The following ANKS3 variants were observed in gnomAD, a reference collection of about 807,000 sequenced individuals.
ANKS3 encodes ankyrin repeat and SAM domain-containing protein 3.
A neutral mutation model predicts 80.7 loss-of-function variants in ANKS3; 62 were observed. The ratio of observed to expected loss-of-function variants is 0.77; its 90% CI spans 0.63 to 0.95. The LOEUF (loss-of-function observed/expected upper bound fraction) is 0.95. Among genes scored for constraint, ANKS3 ranks in the 40% least tolerant of loss-of-function variants. The probability of loss-of-function intolerance (pLI) is 0.00; values close to 1 mark genes in which losing one functional copy is unlikely to be tolerated. For missense variants in ANKS3, 1,150 were observed against 883.6 expected, an observed-to-expected ratio of 1.30 and a Z score of -3.82; for synonymous variants, 489 against 355.3, an observed-to-expected ratio of 1.38 and a Z score of -4.23.
intron 6 of ANKS3, among the ~76,000 whole-genome samples, chr16:4,723,317 A>T (rs989516237): frequency 4.8e-4 from 73 of 152,162 alleles, no homozygotes; most frequent in African/African-American, 1.7e-3. Flanking sequence ...GAAACCACTC[A>T]TCTATTTTCT....
intron 17 of ANKS3, 42 bp downstream of exon 17, chr16:4,696,975 T>A: frequency 6.3e-7 from 1 of 1,593,648 alleles, no homozygotes; most frequent in Non-Finnish European, 8.6e-7. Flanking sequence ...AGACAGGCCC[T>A]GCTGCTCCCA....
chr16:4,712,481 C>G (rs925641391), intron 7 of ANKS3, among the ~76,000 whole-genome samples: 3 of 152,012 alleles, frequency 2.0e-5, no homozygotes, highest in African/African-American at 2.4e-5. Context: ...TTCAAAAACA[C>G]ATTAAAATAG....
chr16:4,708,859 A>G (rs1197771654), intron 7 of ANKS3, among the ~76,000 whole-genome samples: 1 of 151,946 alleles, frequency 6.6e-6, no homozygotes, highest in Non-Finnish European at 1.5e-5. Flanking sequence ...GAATCGCTTG[A>G]ACCTGGGAGG....
At chr16:4,711,622 GCAGGAGAATCACTT>G (rs2080488551) in intron 7 of ANKS3, among the ~76,000 whole-genome samples, 1 of 151,070 alleles carries the variant, frequency 6.6e-6, no homozygotes, top group African/African-American at 2.4e-5. Flanking sequence ...GGACGCTGAG[GCAGGAGAATCACTT>G]GAACCCGGGA....
chr16:4,714,246 G>A, intron 6 of ANKS3, 60 bp from the exon 7 acceptor site: 1 of 1,594,752 alleles, frequency 6.3e-7, no homozygotes, highest in South Asian at 1.1e-5. Flanking sequence ...GCCCTTCCTG[G>A]GCTGCTGGCT....
At chr16:4,733,647 G>T (rs2081784801) in intron 1 of ANKS3, among the ~76,000 whole-genome samples, 1 of 152,082 alleles carries the variant, frequency 6.6e-6, no homozygotes, top group Non-Finnish European at 1.5e-5. Context: ...GTAACACAAA[G>T]GATAAATGCT....
intron 17 of ANKS3, 43 bp from the exon 18 acceptor site, chr16:4,696,939 G>T: frequency 7.5e-7 from 1 of 1,338,346 alleles, no homozygotes. Context: ...GGACAGGTGG[G>T]TGCATACCCA....
intron 3 of ANKS3, among the ~76,000 whole-genome samples, chr16:4,728,584 C>G (rs2081474577): frequency 6.6e-6 from 1 of 152,086 alleles, no homozygotes; most frequent in South Asian, 2.1e-4. Context: ...GCTCTCTTAC[C>G]ACTCCTCGTT....
intron 6 of ANKS3, among the ~76,000 whole-genome samples, chr16:4,722,274 G>A (rs973548671): frequency 2.0e-5 from 3 of 151,364 alleles, no homozygotes; most frequent in Non-Finnish European, 4.4e-5. Flanking sequence ...AACATAGACA[G>A]CTCGTAAGAG....
At chr16:4,719,736 C>G (rs868860269) in intron 6 of ANKS3, among the ~76,000 whole-genome samples, 28 of 151,954 alleles carry the variant, frequency 1.8e-4, no homozygotes, top group Middle Eastern at 6.8e-3. Context: ...GAGGTTGAGA[C>G]TACAATGACC....
chr16:4,698,958 A>T lies in ANKS3; in HGVS notation c.1410-17T>A. ...CCAAACAGCCTGCGGGGGGAATGTG[A>T]CCAGGATATGCCTCAGCGTCCCAAG... is the stretch of plus-strand genomic sequence containing the variant. On this transcript the variant is annotated splice_polypyrimidine_tract_variant and intron_variant, in intron 12 of 17. Coordinates refer to ENST00000304283, the MANE Select transcript of ANKS3 (RefSeq NM_133450.4). 1 of 1,608,416 alleles carries T rather than the reference A, an allele frequency of 6.2e-7. No individual in the cohort carries two copies. Among genetic ancestry groups the T allele is most frequent in the Non-Finnish European group, 8.5e-7 (1 of 1,176,198 alleles).
intron 6 of ANKS3, among the ~76,000 whole-genome samples, chr16:4,716,106 C>G (rs1387936299): frequency 6.6e-6 from 1 of 151,894 alleles, no homozygotes; most frequent in East Asian, 1.9e-4. Context: ...GCCTGTAATC[C>G]CAGCACTTTG....
At chr16:4,715,314 T>A (rs959690660) in intron 6 of ANKS3, among the ~76,000 whole-genome samples, 1 of 152,184 alleles carries the variant, frequency 6.6e-6, no homozygotes, top group African/African-American at 2.4e-5. Flanking sequence ...ACAGCATGTT[T>A]TTGGTGTCAC....
At position 4,697,563 on chromosome 16, in the gene ANKS3, G is replaced by T; in HGVS notation, c.1811-147C>A. On this transcript the variant is annotated intron_variant, in intron 15 of 17. Transcript: ENST00000304283. The stretch of plus-strand genomic sequence containing the variant: ...AGTGTCTAAGCAACCTCCCAAGGCC[G>T]AGGCAGGGAAGCCCTGTTGTGCCCT... 7.6e-6 allele frequency: 5 copies of T among 658,660 alleles called. No homozygotes were observed. The South Asian group carries it at 1.1e-4, about 14-fold the overall frequency. The allele number at this position is 658,660 out of a possible 1,614,324, so 40.8% of individuals were successfully genotyped here.
intron 2 of ANKS3, chr16:4,730,389 G>A (rs1177706564): frequency 8.1e-6 from 3 of 372,606 alleles, no homozygotes; most frequent in Non-Finnish European, 1.4e-5. Context: ...CATATGGTGA[G>A]GCATTAACTG....
intron 8 of ANKS3, 49 bp downstream of exon 8, chr16:4,705,046 A>G (rs1325056067): frequency 4.4e-6 from 7 of 1,596,244 alleles, no homozygotes; most frequent in Non-Finnish European, 6.0e-6. Flanking sequence ...CCAACACAAA[A>G]TCCTGGTATG....
rs141083757 is a variant in ANKS3 at position 4,733,383 on chromosome 16, C to A, written c.-71+555G>T. Among the ~76,000 whole-genome samples the A allele has an allele frequency of 1.8e-3, 277 of 152,000 alleles. 1 individual carries two copies. Among genetic ancestry groups the A allele is most frequent in the African/African-American group, 6.5e-3 (268 of 41,436 alleles). On this transcript the variant is annotated intron_variant, in intron 1 of 17. Coordinates refer to ENST00000304283, the MANE Select transcript of ANKS3 (RefSeq NM_133450.4). ...CTCGGCTCAATGCAACCTCCGCCTC[C>A]TGGGTTCAAGCGATTCTCCTGCCTC...
chr16:4,730,624 T>C (rs1002744622), intron 2 of ANKS3, among the ~76,000 whole-genome samples: 3 of 152,156 alleles, frequency 2.0e-5, no homozygotes, highest in African/African-American at 7.2e-5. Context: ...CCCAGCACTT[T>C]GGGAGGCCAA....
At chr16:4,708,008 G>C (rs562967205) in intron 7 of ANKS3, among the ~76,000 whole-genome samples, 3 of 152,052 alleles carry the variant, frequency 2.0e-5, no homozygotes, top group Admixed American at 1.3e-4. Flanking sequence ...CCAACTACTC[G>C]GGAGGCTGAG....
Sources: allele counts gnomAD v4.1 joint callset (sites outside exome capture counted in the v4.1 genomes callset), GRCh38; gene constraint gnomAD v4.1.1; transcripts MANE v1.5; gene names NCBI Gene and HGNC (gene_info 2026-07-23, HGNC 2026-07-21).